Variants in PSD3 observed in about 807,000 individuals in gnomAD.
PSD3 encodes pleckstrin and Sec7 domain containing 3.
A neutral mutation model predicts 105.5 loss-of-function variants in PSD3; 49 were observed. That is an observed-to-expected ratio of 0.46 (90% CI 0.37 to 0.59). The LOEUF (loss-of-function observed/expected upper bound fraction) is 0.59, where lower values mean the gene tolerates loss of function less well. Ranked by LOEUF, PSD3 falls within the 20% of genes least tolerant of loss-of-function variation. The pLI, the probability that PSD3 is intolerant of heterozygous loss-of-function variation, is 0.00. For synonymous variants in PSD3, 557 were observed against 457.8 expected (o/e 1.22, Z -2.77); for missense variants, 1,561 against 1,263.8 (o/e 1.24, Z -3.57).
At chr8:18,993,339 T>G (rs1825906535) in intron 1 of PSD3, among the ~76,000 whole-genome samples, 1 of 152,230 alleles carries the variant, frequency 6.6e-6, no homozygotes, top group Non-Finnish European at 1.5e-5. Flanking sequence ...ACATACCTGT[T>G]CACTGTTAAT....
At chr8:18,753,838 C>T (rs1205490982) in intron 9 of PSD3, among the ~76,000 whole-genome samples, 1 of 152,104 alleles carries the variant, frequency 6.6e-6, no homozygotes, top group Admixed American at 6.5e-5. Flanking sequence ...CTAAGTACAT[C>T]CATTACTTTG....
At chr8:18,796,835 T>C (rs1810225658) in intron 8 of PSD3, among the ~76,000 whole-genome samples, 1 of 152,208 alleles carries the variant, frequency 6.6e-6, no homozygotes, top group Admixed American at 6.5e-5. Flanking sequence ...ATGAAGATTA[T>C]TCTGGCATCG....
chr8:18,836,443 A>T (rs1814114359), intron 4 of PSD3, among the ~76,000 whole-genome samples: 1 of 152,224 alleles, frequency 6.6e-6, no homozygotes, highest in African/African-American at 2.4e-5. Flanking sequence ...AAACTCAAAC[A>T]CAAACACACA....
At chr8:18,879,084 A>G (rs553470764) in intron 2 of PSD3, among the ~76,000 whole-genome samples, 265 of 130,268 alleles carry the variant, frequency 2.0e-3, no homozygotes, top group South Asian at 9.3e-3. Context: ...ACACACACAC[A>G]CACGCACACA....
rs557531398 is a variant in PSD3, at chr8:18,878,486, A to T, written c.131-5753T>A. On this transcript the variant is annotated intron_variant, in intron 2 of 15. Coordinates refer to ENST00000327040, the MANE Select transcript of PSD3 (RefSeq NM_015310.4). ...TCTACACTGAAGTAGGAGGCAGCCC[A>T]TGAATACCCTGAAAAGATTTGTTCT... 2.6e-5 allele frequency among the ~76,000 whole-genome samples: 4 copies of T among 152,302 alleles called. No individual in the cohort carries two copies. The East Asian group carries it at 7.7e-4, about 29-fold the overall frequency.
intron 11 of PSD3, among the ~76,000 whole-genome samples, chr8:18,612,333 G>T (rs78188009): frequency 1.3e-5 from 2 of 151,638 alleles, no homozygotes; most frequent in African/African-American, 4.8e-5. Flanking sequence ...AATTTTTTTT[G>T]TAAGTCAATG....
At chr8:19,071,715 T>C (rs1829270141) in intron 1 of PSD3, among the ~76,000 whole-genome samples, 1 of 151,766 alleles carries the variant, frequency 6.6e-6, no homozygotes, top group Admixed American at 6.6e-5. Flanking sequence ...CTCCGACTTC[T>C]TCTTCTTCTT....
At chr8:19,073,651 C>T (rs1160361105) in intron 1 of PSD3, among the ~76,000 whole-genome samples, 2 of 148,910 alleles carry the variant, frequency 1.3e-5, no homozygotes. Context: ...CCAATCTGTA[C>T]AGGACTGTTG....
rs74536769 is a variant in PSD3 at position 19,035,394 on chromosome 8, A to C, written c.324+48812T>G. 5.8e-3 allele frequency among the ~76,000 whole-genome samples: 879 copies of C among 152,332 alleles called. 3 individuals are homozygous for C. Among genetic ancestry groups the C allele is most frequent in the African/African-American group, 0.02 (850 of 41,566 alleles). On this transcript the variant is annotated intron_variant, in intron 1 of 1. Transcript: ENST00000521475. ...CATGAAAACTGCTATTAATGGATAC[A>C]CAGTGTTTAGTGTTAATGCTAGTGT...
chr8:18,568,510 G>C (rs1235489435), intron 14 of PSD3, among the ~76,000 whole-genome samples: 3 of 152,030 alleles, frequency 2.0e-5, no homozygotes, highest in Non-Finnish European at 4.4e-5. Flanking sequence ...ACAGTCCCCA[G>C]CTGTCCAAGC....
intron 1 of PSD3, among the ~76,000 whole-genome samples, chr8:18,948,685 A>C (rs1823013348): frequency 6.6e-6 from 1 of 152,230 alleles, no homozygotes; most frequent in African/African-American, 2.4e-5. Context: ...AAATTGCATA[A>C]GCATCAGCCT....
intron 14 of PSD3, among the ~76,000 whole-genome samples, chr8:18,565,449 C>G (rs117848949): frequency 5.9e-5 from 9 of 152,160 alleles, no homozygotes; most frequent in Non-Finnish European, 8.8e-5. Context: ...GAAAGTACCA[C>G]GCTGCACTGG....
chr8:18,749,640 A>C (rs1313892583), intron 9 of PSD3, among the ~76,000 whole-genome samples: 1 of 152,218 alleles, frequency 6.6e-6, no homozygotes, highest in Non-Finnish European at 1.5e-5. Flanking sequence ...TCAAAGAGGA[A>C]GGGAGAACAG....
intron 1 of PSD3, among the ~76,000 whole-genome samples, chr8:18,967,267 C>T (rs973050996): frequency 1.3e-5 from 2 of 151,814 alleles, no homozygotes; most frequent in Non-Finnish European, 2.9e-5. Flanking sequence ...GTGATTCTCC[C>T]GCTTCTGCCT....
At chr8:19,062,489 C>T (rs944141930) in intron 1 of PSD3, among the ~76,000 whole-genome samples, 5 of 150,220 alleles carry the variant, frequency 3.3e-5, no homozygotes, top group African/African-American at 9.8e-5. Flanking sequence ...CCACTGTTTC[C>T]CCAGTTAACT....
intron 15 of PSD3, among the ~76,000 whole-genome samples, chr8:18,552,029 C>T (rs987041758): frequency 1.3e-5 from 2 of 152,144 alleles, no homozygotes; most frequent in African/African-American, 2.4e-5. Flanking sequence ...CTTTCCTAAA[C>T]GCATTTAAAT....
At chr8:18,684,970 T>A (rs13251640) in intron 9 of PSD3, among the ~76,000 whole-genome samples, 48,957 of 152,148 alleles carry the variant, frequency 0.32, 10,111 homozygotes, top group Non-Finnish European at 0.47. Context: ...CTACTCAGGA[T>A]TGCGATGTCT....
chr8:18,727,379 G>C (rs1803406825), intron 9 of PSD3, among the ~76,000 whole-genome samples: 1 of 149,430 alleles, frequency 6.7e-6, no homozygotes, highest in Admixed American at 6.7e-5. Flanking sequence ...CATGGTGGTG[G>C]ACACCTGTAA....
chr8:18,817,912 A>C (rs1398049062), intron 4 of PSD3, among the ~76,000 whole-genome samples: 1 of 152,044 alleles, frequency 6.6e-6, no homozygotes, highest in Non-Finnish European at 1.5e-5. Context: ...GAAAACTAAA[A>C]CCATGATTAC....
Sources: gnomAD v4.1 joint callset for allele counts (sites outside exome capture counted in the v4.1 genomes callset) on GRCh38, gnomAD v4.1.1 for gene constraint, MANE v1.5 for transcripts, NCBI Gene and HGNC (gene_info 2026-07-23, HGNC 2026-07-21) for gene names.